DAAM2: variants seen among roughly 807,000 people sequenced by gnomAD.
DAAM2 encodes dishevelled associated activator of morphogenesis 2.
In DAAM2, 39 loss-of-function variants were observed where a neutral mutation model predicts 120.7. The observed-to-expected ratio is 0.32, with a 90% CI of 0.25 to 0.42. DAAM2 has a LOEUF of 0.42. DAAM2 is among the 10% of genes least tolerant of loss of function. The pLI is 1.00. For synonymous variants in DAAM2, 488 were observed against 524.9 expected (o/e 0.93, Z 0.96); for missense variants, 1,283 against 1,401.7 (o/e 0.92, Z 1.35).
At chr6:39,845,400 C>CGTGT (rs1763543501) in intron 1 of DAAM2, among the ~76,000 whole-genome samples, 4 of 14,220 alleles carry the variant, frequency 2.8e-4, no homozygotes, top group Non-Finnish European at 5.7e-4. Context: ...CACACATACA[C>CGTGT]ATTCCCTACC....
At chr6:39,861,144 A>C (rs1332317076) in intron 3 of DAAM2, 127 bp downstream of exon 3, 1 of 749,954 alleles carries the variant, frequency 1.3e-6, no homozygotes, top group South Asian at 1.5e-5. Flanking sequence ...GTGTTGGAGG[A>C]ACAACAGTGA....
At chr6:39,839,619 G>C (rs532664719) in intron 1 of DAAM2, among the ~76,000 whole-genome samples, 1 of 152,334 alleles carries the variant, frequency 6.6e-6, no homozygotes, top group African/African-American at 2.4e-5. Flanking sequence ...TGGGCTGGAG[G>C]TCAGCCAAGC....
chr6:39,793,995 G>T (rs78669980), intron 1 of DAAM2, among the ~76,000 whole-genome samples: 2,974 of 152,272 alleles, frequency 0.02, 115 homozygotes, highest in African/African-American at 0.068. Flanking sequence ...TGTAAAAACA[G>T]ACCCACAGGA....
intron 1 of DAAM2, among the ~76,000 whole-genome samples, chr6:39,832,710 A>G (rs1044476629): frequency 2.0e-5 from 3 of 152,016 alleles, no homozygotes; most frequent in Non-Finnish European, 4.4e-5. Flanking sequence ...GGGAAGCTCC[A>G]GTATTTTCCT....
chr6:39,817,783 C>G lies in DAAM2; in HGVS notation c.-57+25318C>G, dbSNP rs115279864. On this transcript the variant is annotated intron_variant, in intron 1 of 24. Coordinates refer to ENST00000274867, the MANE Select transcript of DAAM2 (RefSeq NM_001201427.2). ...CATTGGGGGACCTCGGTCATTTTCT[C>G]TGAAGGCCTCCAACTGATCAAATGA... 5.1e-3 allele frequency among the ~76,000 whole-genome samples: 779 copies of G among 152,264 alleles called. 4 individuals are homozygous for G. The highest frequency in any genetic ancestry group is 0.018 in the African/African-American group (752 of 41,550).
chr6:39,847,644 A>G (rs553845238), intron 1 of DAAM2, among the ~76,000 whole-genome samples: 1 of 151,124 alleles, frequency 6.6e-6, no homozygotes, highest in African/African-American at 2.4e-5. Context: ...TCATCCTCTC[A>G]CTCACGTGCC....
chr6:39,904,240 T>C lies in DAAM2; in HGVS notation c.*2203T>C, dbSNP rs781747650. ...GTTGACAGAGGACACAAATACGTTG[T>C]TCCAGAGCTCAGCCTTCTCACTCTA... On this transcript the variant is annotated 3_prime_UTR_variant, in exon 25 of 25. Transcript: ENST00000274867. 2.2e-6 allele frequency: 1 copy of C among 456,796 alleles called. No individual in the cohort carries two copies. Among genetic ancestry groups the C allele is most frequent in the South Asian group, 1.5e-5 (1 of 64,574 alleles). 28.3% of individuals were successfully genotyped at this position (456,796 alleles called of 1,614,324 possible).
chr6:39,864,200 C>T (rs369593577), intron 3 of DAAM2, among the ~76,000 whole-genome samples: 1 of 152,308 alleles, frequency 6.6e-6, no homozygotes, highest in African/African-American at 2.4e-5. Context: ...AAAGTACACA[C>T]ACCTGCATAG....
In DAAM2 at chr6:39,843,237, C is replaced by T. The variant is rs933393864; in HGVS notation, c.-56-13010C>T. On this transcript the variant is annotated intron_variant, in intron 1 of 24. Transcript: ENST00000274867. ...GTCCCTGCCCTCTAGGAATTTCAGTCCCTTGAGCAATGGTGCATTTAAGGA... is the reference window on the plus strand; with the variant it reads ...GTCCCTGCCCTCTAGGAATTTCAGTTCCTTGAGCAATGGTGCATTTAAGGA... Among the ~76,000 whole-genome samples the T allele has an allele frequency of 3.3e-5, 5 of 152,190 alleles. No individual in the cohort carries two copies. The East Asian group carries it at 7.8e-4, about 24-fold the overall frequency.
In DAAM2 at chr6:39,861,009, A is replaced by G. The variant is rs1303683246; in HGVS notation, c.250A>G (p.Lys84Glu). ...GAAGAAATGGCAGATCTACTGCAGC[A>G]AGAAGAAGGTGCCCTCTCTGACCCC... is the stretch of plus-strand genomic sequence containing the variant. Reference protein sequence around the residue: ...PEKKWQIYCSKKKEQEDPNKL... With the variant: ...PEKKWQIYCSEKKEQEDPNKL... The change falls in exon 3 of 25, where the codon AAG becomes GAG. Residue 84 changes from lysine (K) to glutamate (E), a missense_variant. This residue lies in a region of DAAM2 where 197 missense variants were observed against 189.3 expected (regional missense o/e 1.04). Transcript: ENST00000274867. The G allele has an allele frequency of 6.2e-7, 1 of 1,610,564 alleles. No homozygotes were observed. The highest frequency in any genetic ancestry group is 1.1e-5 in the South Asian group (1 of 89,890).
intron 11 of DAAM2, among the ~76,000 whole-genome samples, chr6:39,876,085 A>G (rs1764857023): frequency 6.6e-6 from 1 of 152,236 alleles, no homozygotes; most frequent in Admixed American, 6.5e-5. Flanking sequence ...CCATTTGATC[A>G]TGAGGTTGCT....
At position 39,873,206 on chromosome 6, in the gene DAAM2, C is replaced by T. The variant is rs79780274; in HGVS notation, c.1045-32C>T. ...TCCTGCTGACTTCCTCTGCTGCCTA[C>T]CCACTGATCACTGTGCCCTCTTCTC... is the stretch of plus-strand genomic sequence containing the variant. On this transcript the variant is annotated intron_variant, in intron 9 of 24. Transcript: ENST00000274867. The T allele has an allele frequency of 3.1e-3, 4,379 of 1,406,322 alleles. 100 individuals carry two copies. The African/African-American group carries it at 0.049, about 16-fold the overall frequency. The allele number at this position is 1,406,322 out of a possible 1,614,324, so 87.1% of individuals were successfully genotyped here.
chr6:39,839,187 G>T (rs1249329349), intron 1 of DAAM2, among the ~76,000 whole-genome samples: 5 of 151,942 alleles, frequency 3.3e-5, no homozygotes, highest in Non-Finnish European at 7.4e-5. Flanking sequence ...TCATAACTTT[G>T]GATAGAAAGT....
At chr6:39,845,012 A>C (rs1281265389) in intron 1 of DAAM2, among the ~76,000 whole-genome samples, 4 of 140,424 alleles carry the variant, frequency 2.8e-5, no homozygotes, top group East Asian at 4.6e-4. Flanking sequence ...ACACATACAC[A>C]CCCCCCCACA....
rs200279541 is a variant in DAAM2, at chr6:39,896,850, C to A, written c.2380C>A (p.Arg794Ser). 9.3e-6 allele frequency: 15 copies of A among 1,607,388 alleles called. No individual in the cohort carries two copies. Among genetic ancestry groups the A allele is most frequent in the Admixed American group, 3.4e-5 (2 of 59,134 alleles). ...CTCCCGGGAGCTGGTCCGCAGCAAGCGTCTTAGACAGATGCTAGAGGTCAT... is the reference window on the plus strand; with the variant it reads ...CTCCCGGGAGCTGGTCCGCAGCAAGAGTCTTAGACAGATGCTAGAGGTCAT... Reference protein sequence around the residue: ...LASRELVRSKRLRQMLEVILA... With the variant: ...LASRELVRSKSLRQMLEVILA... Residue 794 changes from arginine to serine, a missense_variant, in exon 20 of 25, where the codon CGT becomes AGT. Transcript: ENST00000274867.
intron 19 of DAAM2, among the ~76,000 whole-genome samples, chr6:39,892,255 G>A (rs569398025): frequency 9.8e-5 from 15 of 152,318 alleles, no homozygotes; most frequent in African/African-American, 3.6e-4. Flanking sequence ...AGAACCATGC[G>A]CCAAGCACTG....
At chr6:39,820,645 A>G (rs1397556793) in intron 1 of DAAM2, 1 of 152,238 alleles carries the variant, frequency 6.6e-6, no homozygotes, top group Non-Finnish European at 1.5e-5. Context: ...ATGAAAAAAG[A>G]AATTTACCCT....
chr6:39,873,475 T>TG, intron 10 of DAAM2, 120 bp downstream of exon 10: 1 of 701,362 alleles, frequency 1.4e-6, no homozygotes. Context: ...CCTGTGCACT[T>TG]GCTTTTGGGA....
chr6:39,883,184 C>CA (rs1234344180), intron 14 of DAAM2, among the ~76,000 whole-genome samples: 1 of 141,608 alleles, frequency 7.1e-6, no homozygotes, highest in Non-Finnish European at 1.6e-5. Context: ...ACTGCCAGGG[C>CA]TTTTTTTTTT....
Sources: allele counts gnomAD v4.1 joint callset (sites outside exome capture counted in the v4.1 genomes callset), GRCh38; gene constraint gnomAD v4.1.1; regional missense constraint gnomAD v4.1.1; transcripts MANE v1.5; gene names NCBI Gene and HGNC (gene_info 2026-07-23, HGNC 2026-07-21).